The following CELF2 variants were observed in gnomAD, a reference collection of about 807,000 sequenced individuals.
The protein encoded by CELF2 is CUGBP Elav-like family member 2.
Under a neutral mutation model 62.6 loss-of-function variants are expected in CELF2, and 8 were observed. The ratio of observed to expected loss-of-function variants is 0.13; its 90% CI spans 0.07 to 0.23. The LOEUF is 0.23. Among genes scored for constraint, CELF2 ranks in the 10% least tolerant of loss-of-function variants. CELF2 has a pLI of 1.00. For synonymous variants in CELF2, 258 were observed against 250.0 expected (o/e 1.03, Z -0.30); for missense variants, 333 against 671.0 (o/e 0.50, Z 5.56).
intron 8 of CELF2, among the ~76,000 whole-genome samples, chr10:11,286,770 T>TGTA (rs2091424577): frequency 6.6e-6 from 1 of 152,212 alleles, no homozygotes; most frequent in Non-Finnish European, 1.5e-5. Flanking sequence ...GCCCTTTTCT[T>TGTA]GCAGAAATTC....
At chr10:10,645,471 A>G in the CELF2 span, among the ~76,000 whole-genome samples, 36 of 152,198 alleles carry the variant, frequency 2.4e-4, no homozygotes, top group South Asian at 2.1e-4. Flanking sequence ...TTGGCAACAT[A>G]GTAAGACCTA....
chr10:10,704,354 G>A, the CELF2 span, among the ~76,000 whole-genome samples: 1 of 151,954 alleles, frequency 6.6e-6, no homozygotes, highest in Non-Finnish European at 1.5e-5. Flanking sequence ...AGATTATAAT[G>A]CACAATGGGG....
chr10:10,522,736 AT>A, the CELF2 span, among the ~76,000 whole-genome samples: 16 of 152,016 alleles, frequency 1.1e-4, no homozygotes, highest in African/African-American at 3.9e-4. Flanking sequence ...TGCCTGGCTA[AT>A]TTTTATATTT....
upstream of CELF2, among the ~76,000 whole-genome samples, chr10:11,001,837 G>A (rs1380774922): frequency 6.6e-6 from 1 of 151,948 alleles, no homozygotes; most frequent in Non-Finnish European, 1.5e-5. Context: ...AATCAGGATT[G>A]TTAAAAATTG....
the CELF2 span, among the ~76,000 whole-genome samples, chr10:10,565,035 C>T: frequency 5.3e-5 from 8 of 152,158 alleles, no homozygotes; most frequent in Non-Finnish European, 1.2e-4. Flanking sequence ...ATTGTACAGC[C>T]GAATGTGTCA....
intron 1 of CELF2, among the ~76,000 whole-genome samples, chr10:11,155,009 G>C (rs551054793): frequency 6.6e-6 from 1 of 152,152 alleles, no homozygotes; most frequent in African/African-American, 2.4e-5. Flanking sequence ...CACAAATCTC[G>C]ACATTTGATA....
the CELF2 span, among the ~76,000 whole-genome samples, chr10:10,682,778 C>T: frequency 6.6e-6 from 1 of 152,124 alleles, no homozygotes; most frequent in Non-Finnish European, 1.5e-5. Flanking sequence ...TTCTGTATTA[C>T]GATCGCTTTT....
intron 4 of CELF2, among the ~76,000 whole-genome samples, chr10:11,254,066 C>T (rs141885598): frequency 2.0e-5 from 3 of 152,160 alleles, no homozygotes; most frequent in African/African-American, 7.2e-5. Context: ...AAAAACTCAC[C>T]AAGACGGTCA....
the CELF2 span, among the ~76,000 whole-genome samples, chr10:10,684,137 T>A: frequency 9.1e-3 from 1,385 of 152,318 alleles, 21 homozygotes; most frequent in African/African-American, 0.031. Context: ...GAAGCACGGA[T>A]GATAGAGGAC....
the CELF2 span, among the ~76,000 whole-genome samples, chr10:10,635,478 G>C: frequency 0.98 from 149,287 of 152,304 alleles, 73,179 homozygotes; most frequent in East Asian, 1. Context: ...CCTTGAATTT[G>C]TCTTTCATGT....
At chr10:10,985,408 A>C (rs998777952) in intron 2 of CELF2, among the ~76,000 whole-genome samples, 5 of 152,184 alleles carry the variant, frequency 3.3e-5, no homozygotes, top group African/African-American at 1.2e-4. Flanking sequence ...TTAAATCAGC[A>C]TGGCAATGCA....
chr10:11,318,936 A>C lies in CELF2; in HGVS notation c.1097-2253A>C. The C allele has an allele frequency of 2.1e-6, 1 of 471,184 alleles. No homozygotes were observed. The highest frequency in any genetic ancestry group is 4.4e-6 in the Non-Finnish European group (1 of 227,060). 29.2% of individuals were successfully genotyped at this position (471,184 alleles called of 1,614,324 possible). A position where few individuals can be genotyped will look rare whatever the true frequency, so the allele number is the denominator to read the frequency against. On this transcript the variant is annotated intron_variant, in intron 10 of 12. Transcript: ENST00000633077. This position sits in a 1 kb window ranked among gnomAD's most constrained non-coding sequence, Gnocchi z 5.4. ...AACTCCCACCCGCAGCAGACAAGGC[A>C]TCATGGTGGTGCGATGCTGCCCACC... is the stretch of plus-strand genomic sequence containing the variant.
At chr10:11,144,664 C>T (rs1045070754) in intron 1 of CELF2, among the ~76,000 whole-genome samples, 1 of 151,352 alleles carries the variant, frequency 6.6e-6, no homozygotes, top group African/African-American at 2.4e-5. Flanking sequence ...GAGACCGAGG[C>T]AGGAGGATCA....
the CELF2 span, among the ~76,000 whole-genome samples, chr10:10,536,365 T>G: frequency 6.6e-6 from 1 of 152,194 alleles, no homozygotes; most frequent in African/African-American, 2.4e-5. Flanking sequence ...CTTGATGTAC[T>G]TTCCACAAAC....
At chr10:10,789,383 A>G in the CELF2 span, among the ~76,000 whole-genome samples, 2 of 152,346 alleles carry the variant, frequency 1.3e-5, no homozygotes, top group Admixed American at 6.5e-5. Context: ...TATATATTTA[A>G]CCCACATTAA....
chr10:10,771,808 G>T, the CELF2 span, among the ~76,000 whole-genome samples: 1 of 152,156 alleles, frequency 6.6e-6, no homozygotes, highest in Non-Finnish European at 1.5e-5. Context: ...CCAGTCTTGG[G>T]TATGTCTTTC....
At chr10:10,726,045 T>C in the CELF2 span, among the ~76,000 whole-genome samples, 1 of 152,154 alleles carries the variant, frequency 6.6e-6, no homozygotes, top group Non-Finnish European at 1.5e-5. Context: ...ATCTAGACCA[T>C]TTGTCACAAG....
chr10:11,275,790 C>T (rs573001528), intron 8 of CELF2, among the ~76,000 whole-genome samples: 48 of 152,256 alleles, frequency 3.2e-4, no homozygotes, highest in African/African-American at 1.1e-3. Context: ...TGGTGATTAG[C>T]GAAAGGTCAC....
At chr10:11,153,752 CTG>C (rs1396814966) in intron 1 of CELF2, among the ~76,000 whole-genome samples, 1 of 152,216 alleles carries the variant, frequency 6.6e-6, no homozygotes, top group African/African-American at 2.4e-5. Flanking sequence ...GATTTTGACA[CTG>C]TGAAATGTTG....
Sources: gnomAD v4.1 joint callset for allele counts (sites outside exome capture counted in the v4.1 genomes callset) on GRCh38, gnomAD v4.1.1 for gene constraint, Gnocchi (gnomAD v3.1) non-coding constraint, MANE v1.5 for transcripts, NCBI Gene and HGNC (gene_info 2026-07-23, HGNC 2026-07-21) for gene names.